The following RBBP8 variants were observed in gnomAD, a reference collection of about 807,000 sequenced individuals.
RBBP8 encodes RB binding protein 8, endonuclease, also known as DNA endonuclease RBBP8.
A neutral mutation model predicts 108.3 loss-of-function variants in RBBP8; 88 were observed. That is an observed-to-expected ratio of 0.81 (90% CI 0.68 to 0.97). The LOEUF is 0.97. RBBP8 is among the 50% of genes least tolerant of loss of function. RBBP8 has a pLI of 0.00. For synonymous variants in RBBP8, 332 were observed against 348.2 expected (o/e 0.95, Z 0.52); for missense variants, 1,023 against 1,049.0 (o/e 0.98, Z 0.34).
chr18:22,926,075 C>T (rs564549517), intron 3 of RBBP8, among the ~76,000 whole-genome samples: 1 of 152,160 alleles, frequency 6.6e-6, no homozygotes, highest in Admixed American at 6.5e-5. Context: ...GTCCAAACAG[C>T]CACTGCATTA....
intron 3 of RBBP8, chr18:22,917,154 A>C (rs1909394792): frequency 6.6e-6 from 1 of 152,236 alleles, no homozygotes; most frequent in Non-Finnish European, 1.5e-5. Flanking sequence ...CCTGGTACTA[A>C]ATGTTAATTC....
rs1165720143 is a variant in RBBP8 at position 22,993,237 on chromosome 18, T to G, written c.1410T>G (p.Ala470=). 5.6e-6 allele frequency: 9 copies of G among 1,614,246 alleles called. No individual in the cohort carries two copies. The highest frequency in any genetic ancestry group is 7.6e-6 in the Non-Finnish European group (9 of 1,180,040). The part of the protein sequence containing the change: ...CPQASFDKEN[A]FPFPMDNQFS... ...AAGCTTCTTTTGATAAAGAAAATGCTTTCCCTTTTCCAATGGATAATCAGT... is the reference window on the plus strand; with the variant it reads ...AAGCTTCTTTTGATAAAGAAAATGCGTTCCCTTTTCCAATGGATAATCAGT... The change falls in exon 11 of 19, where the codon GCT becomes GCG. Residue 470 remains alanine, a synonymous_variant. Coordinates refer to ENST00000327155, the MANE Select transcript of RBBP8 (RefSeq NM_002894.3).
upstream of RBBP8, chr18:22,929,510 G>GTGTGTGTGTGTT (rs147326546): frequency 8.0e-6 from 1 of 125,204 alleles, no homozygotes; most frequent in African/African-American, 3.3e-5. Flanking sequence ...GTGTGTGTGT[G>GTGTGTGTGTGTT]AAGAGACAGG....
intron 6 of RBBP8, among the ~76,000 whole-genome samples, chr18:22,976,484 T>C (rs1017679873): frequency 3.3e-5 from 5 of 152,152 alleles, no homozygotes; most frequent in Admixed American, 3.3e-4. Flanking sequence ...GGCAGAATGC[T>C]GTTTATAGTC....
intron 9 of RBBP8, among the ~76,000 whole-genome samples, chr18:22,990,644 A>ATC (rs1435722614): frequency 2.0e-5 from 3 of 152,184 alleles, no homozygotes; most frequent in African/African-American, 4.8e-5. Context: ...AAGCATTTTT[A>ATC]TCACCTTCAA....
chr18:22,997,431 A>G (rs901370073), intron 13 of RBBP8, among the ~76,000 whole-genome samples, 189 bp from the exon 14 acceptor site: 1 of 152,202 alleles, frequency 6.6e-6, no homozygotes, highest in Admixed American at 6.5e-5. Flanking sequence ...TATTGAAGCT[A>G]AAATGTTTTA....
At chr18:23,006,187 GA>G (rs774964524) in intron 15 of RBBP8, among the ~76,000 whole-genome samples, 175 bp from the exon 16 acceptor site, 255 of 136,940 alleles carry the variant, frequency 1.9e-3, no homozygotes, top group East Asian at 4.8e-3. Flanking sequence ...CACCGGCTCA[GA>G]AAAAAAAAAA....
At chr18:22,918,988 T>C (rs560547233) in intron 3 of RBBP8, among the ~76,000 whole-genome samples, 76 of 152,374 alleles carry the variant, frequency 5.0e-4, no homozygotes, top group African/African-American at 1.7e-3. Context: ...AAATTTATTA[T>C]AGGCTAATAT....
chr18:23,015,211 A>C (rs1846751782), intron 16 of RBBP8, among the ~76,000 whole-genome samples: 1 of 152,134 alleles, frequency 6.6e-6, no homozygotes, highest in South Asian at 2.1e-4. Flanking sequence ...AATGTTTCTC[A>C]TAAATAGGAT....
chr18:22,928,700 C>T (rs192992964), upstream of RBBP8, among the ~76,000 whole-genome samples: 8 of 150,346 alleles, frequency 5.3e-5, no homozygotes, highest in East Asian at 3.9e-4. Context: ...GACACAGTCT[C>T]GCTTTGTCGC....
At position 22,993,447 on chromosome 18, in the gene RBBP8, T is replaced by TGGCAA. The variant is rs747163224; in HGVS notation, c.1621_1625dup (p.Asn542LysfsTer25). The TGGCAA allele has an allele frequency of 5.0e-6, 8 of 1,614,154 alleles. No homozygotes were observed. In the Admixed American group the frequency reaches 8.3e-5, roughly 17 times the overall value. On this transcript the variant is annotated frameshift_variant, in exon 11 of 19. Transcript: ENST00000327155. LOFTEE classifies it high-confidence loss of function. ...TTTCCTCAAGCCGTAAGGCCTCAGA[T>TGGCAA]GGCAACTGCACGTTGCCCAAAGATT...
chr18:22,945,729 C>T (rs1346456598), intron 2 of RBBP8, among the ~76,000 whole-genome samples: 1 of 152,106 alleles, frequency 6.6e-6, no homozygotes, highest in Non-Finnish European at 1.5e-5. Flanking sequence ...ATAATTTTTA[C>T]AATTTTGCTA....
intron 15 of RBBP8, among the ~76,000 whole-genome samples, chr18:23,004,382 GAAC>G (rs1196295393): frequency 6.6e-6 from 1 of 152,078 alleles, no homozygotes; most frequent in Non-Finnish European, 1.5e-5. Flanking sequence ...TGAGCTTGGA[GAAC>G]ATCATATTAA....
intron 8 of RBBP8, 78 bp downstream of exon 8, chr18:22,985,068 T>C (rs1915226583): frequency 6.4e-7 from 1 of 1,569,804 alleles, no homozygotes; most frequent in Non-Finnish European, 8.7e-7. Flanking sequence ...CAGTCTAACT[T>C]AGACAATATT....
intron 3 of RBBP8, among the ~76,000 whole-genome samples, chr18:22,918,014 A>AC (rs35742127): frequency 6.7e-6 from 1 of 150,248 alleles, no homozygotes; most frequent in Non-Finnish European, 1.5e-5. Context: ...AAAAAAAAAA[A>AC]CATATAATGT....
In RBBP8 at chr18:22,947,476, C is replaced by G. The variant is rs186717564; in HGVS notation, c.152+990C>G. On this transcript the variant is annotated intron_variant, in intron 3 of 18. Coordinates refer to ENST00000327155, the MANE Select transcript of RBBP8 (RefSeq NM_002894.3). ...GGAAGGTTTGTTATCTATTTTATTA[C>G]AGTTACATTTTCAAATACAAGATTT... Among the ~76,000 whole-genome samples, 537 of 151,508 alleles carry G rather than the reference C, an allele frequency of 3.5e-3. 2 individuals are homozygous for G. Among genetic ancestry groups the G allele is most frequent in the African/African-American group, 0.013 (523 of 41,340 alleles).
At chr18:22,925,279 TCTG>T (rs1909751285) in intron 3 of RBBP8, among the ~76,000 whole-genome samples, 1 of 152,228 alleles carries the variant, frequency 6.6e-6, no homozygotes, top group Admixed American at 6.5e-5. Flanking sequence ...TTTTAATCTT[TCTG>T]ATTATAACTT....
intron 15 of RBBP8, among the ~76,000 whole-genome samples, chr18:23,002,905 C>T (rs2045971523): frequency 6.6e-6 from 1 of 152,062 alleles, no homozygotes; most frequent in Non-Finnish European, 1.5e-5. Context: ...CACAGCTGTT[C>T]GGTATCCTTT....
Position 22,973,942 on chromosome 18 carries a change from C to G in RBBP8, c.362-1211C>G, listed in dbSNP as rs1914314459. Among the ~76,000 whole-genome samples the G allele has an allele frequency of 3.3e-5, 5 of 152,204 alleles. No individual in the cohort carries two copies. The South Asian group carries it at 1.0e-3, about 31-fold the overall frequency. Reference sequence around the variant, plus strand: ...GTAGTATCTTGTCTCCTTTGTTAGACTGCACATTGCTTTAGGTCACTGTCT... The same window carrying G: ...GTAGTATCTTGTCTCCTTTGTTAGAGTGCACATTGCTTTAGGTCACTGTCT... On this transcript the variant is annotated intron_variant, in intron 5 of 18. Coordinates refer to ENST00000327155, the MANE Select transcript of RBBP8 (RefSeq NM_002894.3).
Sources: allele counts gnomAD v4.1 joint callset (sites outside exome capture counted in the v4.1 genomes callset), GRCh38; gene constraint gnomAD v4.1.1; transcripts MANE v1.5; gene names NCBI Gene and HGNC (gene_info 2026-07-23, HGNC 2026-07-21).